The following FAM13A variants were observed in gnomAD, a reference collection of about 807,000 sequenced individuals.
FAM13A encodes the protein protein FAM13A.
Under a neutral mutation model 129.6 loss-of-function variants are expected in FAM13A, and 76 were observed. The ratio of observed to expected loss-of-function variants is 0.59; its 90% confidence interval spans 0.49 to 0.71. FAM13A has a LOEUF of 0.71. Among genes scored for constraint, FAM13A ranks in the 30% least tolerant of loss-of-function variants. The probability of loss-of-function intolerance (pLI) is 0.00; values close to 1 mark genes in which losing one functional copy is unlikely to be tolerated. For synonymous variants in FAM13A, 443 were observed against 449.9 expected (o/e 0.98, Z 0.20); for missense variants, 1,108 against 1,249.3 (o/e 0.89, Z 1.70).
intron 15 of FAM13A, 71 bp downstream of exon 15, chr4:88,750,353 T>C: frequency 8.0e-7 from 1 of 1,249,458 alleles, no homozygotes; most frequent in South Asian, 1.2e-5. Context: ...TTATTCACTA[T>C]CAGTGCCATT....
chr4:88,823,872 C>G (rs1408404575), intron 7 of FAM13A, among the ~76,000 whole-genome samples: 2 of 151,722 alleles, frequency 1.3e-5, no homozygotes, highest in Admixed American at 1.3e-4. Flanking sequence ...CTTAAGGGAT[C>G]AGAATCCACT....
At chr4:88,973,394 C>T (rs1312800182) in intron 4 of FAM13A, among the ~76,000 whole-genome samples, 1 of 152,030 alleles carries the variant, frequency 6.6e-6, no homozygotes, top group Non-Finnish European at 1.5e-5. Flanking sequence ...TTGAAATGCC[C>T]TCAAGCTCAG....
chr4:88,744,924 A>G (rs1455885708), intron 19 of FAM13A, among the ~76,000 whole-genome samples: 1 of 152,208 alleles, frequency 6.6e-6, no homozygotes, highest in African/African-American at 2.4e-5. Flanking sequence ...TGAAAGAGTG[A>G]TGAAAGGGAA....
At chr4:88,774,599 C>T (rs919293813) in intron 11 of FAM13A, among the ~76,000 whole-genome samples, 14 of 152,046 alleles carry the variant, frequency 9.2e-5, no homozygotes, top group South Asian at 2.1e-4. Context: ...ACACTGAAAA[C>T]AATTGTTTTG....
intron 7 of FAM13A, chr4:88,823,420 G>T (rs1239229289): frequency 1.3e-6 from 1 of 771,734 alleles, no homozygotes; most frequent in East Asian, 1.1e-4. Context: ...GCTCCTCAGT[G>T]GGCTTGCCTA....
chr4:88,730,551 C>T (rs975417855), intron 23 of FAM13A, among the ~76,000 whole-genome samples: 8 of 151,994 alleles, frequency 5.3e-5, no homozygotes, highest in Non-Finnish European at 1.2e-4. Flanking sequence ...CTACTGCACC[C>T]GGCTAATTTT....
At position 88,838,684 on chromosome 4, in the gene FAM13A, G is replaced by A. The variant is rs933014048; in HGVS notation, c.1007+12336C>T. 7.9e-5 allele frequency among the ~76,000 whole-genome samples: 12 copies of A among 151,538 alleles called. No individual in the cohort carries two copies. The East Asian group carries it at 2.3e-3, about 29-fold the overall frequency. ...GGAGCTTGCAGTGAGCCGAGATTGT[G>A]CCGCTGCACTCCAGCCTGGGCGACA... On this transcript the variant is annotated intron_variant, in intron 7 of 23. Coordinates refer to ENST00000264344, the MANE Select transcript of FAM13A (RefSeq NM_014883.4).
intron 7 of FAM13A, among the ~76,000 whole-genome samples, chr4:88,822,813 A>G (rs1732269887): frequency 6.6e-6 from 1 of 152,244 alleles, no homozygotes; most frequent in African/African-American, 2.4e-5. Flanking sequence ...AAAGAGCAGT[A>G]TAATATTTAA....
chr4:88,919,970 C>A (rs1438379232), intron 5 of FAM13A, among the ~76,000 whole-genome samples: 1 of 152,230 alleles, frequency 6.6e-6, no homozygotes, highest in Non-Finnish European at 1.5e-5. Flanking sequence ...TGAGATCAAA[C>A]TGCAAGGCGG....
chr4:88,936,220 C>G (rs141640033), intron 5 of FAM13A: 1 of 152,180 alleles, frequency 6.6e-6, no homozygotes, highest in Non-Finnish European at 1.5e-5. Context: ...TTTACTTGCA[C>G]AGCAAATAAC....
chr4:88,734,745 C>T (rs190900127), intron 21 of FAM13A, among the ~76,000 whole-genome samples: 122 of 152,320 alleles, frequency 8.0e-4, no homozygotes, highest in African/African-American at 2.8e-3. Context: ...TGGTAAGCAT[C>T]CCACAAAGCA....
intron 1 of FAM13A, chr4:89,029,891 G>A (rs1388179112): frequency 6.0e-6 from 3 of 496,370 alleles, no homozygotes; most frequent in South Asian, 2.5e-5. Context: ...AAGAGAGGGA[G>A]CAATACACTG....
At chr4:88,922,661 C>T (rs1429703654) in intron 5 of FAM13A, among the ~76,000 whole-genome samples, 2 of 152,108 alleles carry the variant, frequency 1.3e-5, no homozygotes, top group Admixed American at 6.6e-5. Flanking sequence ...CAAGAGCAAA[C>T]ACATTCAAAA....
intron 4 of FAM13A, among the ~76,000 whole-genome samples, chr4:88,970,136 T>C (rs1759875529): frequency 6.6e-6 from 1 of 152,224 alleles, no homozygotes; most frequent in Admixed American, 6.5e-5. Context: ...TACTAGAATT[T>C]TAGCACTAGA....
chr4:88,989,867 C>T (rs796100203), intron 4 of FAM13A: 5 of 152,288 alleles, frequency 3.3e-5, no homozygotes, highest in African/African-American at 1.2e-4. Flanking sequence ...ATCTAGGTTT[C>T]AGAATTATTC....
chr4:89,007,392 GAATT>G (rs1247949197), intron 3 of FAM13A, among the ~76,000 whole-genome samples: 2 of 152,098 alleles, frequency 1.3e-5, no homozygotes, highest in African/African-American at 2.4e-5. Context: ...ACAGAAAAAG[GAATT>G]AAGGCCTGTC....
intron 19 of FAM13A, among the ~76,000 whole-genome samples, chr4:88,743,151 T>C (rs904375637): frequency 6.6e-6 from 1 of 152,214 alleles, no homozygotes; most frequent in Non-Finnish European, 1.5e-5. Context: ...TAAATTGTCA[T>C]TTACTGGTCT....
At chr4:88,918,098 T>A (rs781669002) in intron 5 of FAM13A, among the ~76,000 whole-genome samples, 10 of 152,226 alleles carry the variant, frequency 6.6e-5, no homozygotes, top group Non-Finnish European at 1.2e-4. Context: ...TTCCTTTTCT[T>A]TTGTCAAATT....
intron 13 of FAM13A, among the ~76,000 whole-genome samples, chr4:88,766,761 C>T (rs1190567256): frequency 6.6e-6 from 1 of 152,070 alleles, no homozygotes; most frequent in Non-Finnish European, 1.5e-5. Context: ...GGTCAGTGCC[C>T]AACAGAGACT....
Sources: allele counts gnomAD v4.1 joint callset (sites outside exome capture counted in the v4.1 genomes callset), GRCh38; gene constraint gnomAD v4.1.1; transcripts MANE v1.5; gene names NCBI Gene and HGNC (gene_info 2026-07-23, HGNC 2026-07-21).